GIP: variants seen among roughly 807,000 people sequenced by gnomAD.
GIP encodes the protein glucose-dependent insulinotropic polypeptide.
In GIP, 16 loss-of-function variants were observed where a neutral mutation model predicts 18.1. The observed-to-expected ratio is 0.88, with a 90% CI of 0.60 to 1.34. The LOEUF (loss-of-function observed/expected upper bound fraction) is 1.34. Ranked by LOEUF, GIP falls within the 40% of genes most tolerant of loss-of-function variation. The pLI is 0.00. For synonymous variants in GIP, 76 were observed against 74.0 expected (o/e 1.03, Z -0.14); for missense variants, 192 against 183.4 (o/e 1.05, Z -0.27).
intron 1 of GIP, among the ~76,000 whole-genome samples, chr17:48,967,579 C>T (rs1039480685): frequency 2.0e-5 from 3 of 150,562 alleles, no homozygotes; most frequent in Non-Finnish European, 3.0e-5. Context: ...AGGCTGGTCT[C>T]GAACTCCTGA....
intron 1 of GIP, 64 bp from the exon 2 acceptor site, chr17:48,967,317 A>T: frequency 5.0e-6 from 5 of 1,009,748 alleles, no homozygotes; most frequent in African/African-American, 1.6e-5. Context: ...AAAGCTGGAG[A>T]GGGGCAAAGC....
chr17:48,960,937 A>G lies in GIP; in HGVS notation c.401T>C (p.Ile134Thr), dbSNP rs373840514. ...SDEDLLRDLL[I>T]QELLACLLDQ... ...CAGCAAGCAGGCCAACAGCTCTTGA[A>G]TCAGCAAGTCCCGCAGCAAATCTTC... The change falls in exon 5 of 6, where the codon ATT becomes ACT. Residue 134 changes from isoleucine (I) to threonine (T), a missense_variant. Ile to Thr is a moderately conservative substitution (Grantham distance 89). Coordinates refer to ENST00000357424, the MANE Select transcript of GIP (RefSeq NM_004123.3). 72 of 1,609,706 alleles carry G rather than the reference A, an allele frequency of 4.5e-5. No homozygotes were observed. Among genetic ancestry groups the G allele is most frequent in the Non-Finnish European group, 5.9e-5 (70 of 1,178,398 alleles).
intron 1 of GIP, 57 bp from the exon 2 acceptor site, chr17:48,967,310 G>T: frequency 2.6e-6 from 3 of 1,150,656 alleles, no homozygotes; most frequent in Non-Finnish European, 3.9e-6. Flanking sequence ...GGTTCTGAAA[G>T]CTGGAGAGGG....
At chr17:48,960,765 GA>G in intron 5 of GIP, 120 bp downstream of exon 5, 1 of 695,550 alleles carries the variant, frequency 1.4e-6, no homozygotes, top group Non-Finnish European at 2.6e-6. Flanking sequence ...TGATTTTAGT[GA>G]AAACACTGAG....
intron 1 of GIP, among the ~76,000 whole-genome samples, chr17:48,967,485 G>A (rs1169196178): frequency 2.0e-5 from 3 of 150,752 alleles, no homozygotes; most frequent in African/African-American, 7.3e-5. Context: ...TCAGCCTCTC[G>A]AGTAGCCTGG....
rs761343704 is a variant in GIP at position 48,964,415 on chromosome 17, C to G, written c.152G>C (p.Arg51Thr). Residue 51 changes from arginine (R) to threonine (T), a missense_variant, in exon 3 of 6, where the codon AGG becomes ACG. Arg to Thr is a moderately conservative substitution (Grantham distance 71). Coordinates refer to ENST00000357424, the MANE Select transcript of GIP (RefSeq NM_004123.3). ...ACTGATGAAAGTCCCTTCCGCGTAC[C>G]TGGGGCCTCGAGGTTGAGGGCTGCT... ...KVSSPQPRGP[R>T]YAEGTFISDY... The G allele has an allele frequency of 1.2e-5, 19 of 1,614,010 alleles. No individual in the cohort carries two copies. Among genetic ancestry groups the G allele is most frequent in the Non-Finnish European group, 1.6e-5 (19 of 1,179,934 alleles).
chr17:48,958,656 C>T lies in GIP; in HGVS notation c.*51G>A, dbSNP rs1427122031. 4.7e-6 allele frequency: 7 copies of T among 1,492,018 alleles called. No homozygotes were observed. The highest frequency in any genetic ancestry group is 6.4e-6 in the Non-Finnish European group (7 of 1,087,748). The allele number at this position is 1,492,018 out of a possible 1,614,324, so 92.4% of individuals were successfully genotyped here. A position where few individuals can be genotyped will look rare whatever the true frequency, so the allele number is the denominator to read the frequency against. On this transcript the variant is annotated 3_prime_UTR_variant, in exon 6 of 6. Transcript: ENST00000357424. ...TGGCTATTCTGGAGTGGGGCTGAGG[C>T]AGGTGCTAAGTGAAGGGCAGAATCC...
At chr17:48,968,021 C>T (rs562815455) in intron 1 of GIP, among the ~76,000 whole-genome samples, 56 of 152,090 alleles carry the variant, frequency 3.7e-4, no homozygotes, top group African/African-American at 1.3e-3. Flanking sequence ...CAGTGCACTC[C>T]AGCCTGGGTG....
At position 48,960,924 on chromosome 17, in the gene GIP, C is replaced by T. The variant is rs1437290417; in HGVS notation, c.414G>A (p.Leu138=). 2 of 1,608,388 alleles carry T rather than the reference C, an allele frequency of 1.2e-6. No homozygotes were observed. Among genetic ancestry groups the T allele is most frequent in the Admixed American group, 3.4e-5 (2 of 59,200 alleles). ...GGTTTGTCTGATCCAGCAAGCAGGCCAACAGCTCTTGAATCAGCAAGTCCC... is the reference window on the plus strand; with the variant it reads ...GGTTTGTCTGATCCAGCAAGCAGGCTAACAGCTCTTGAATCAGCAAGTCCC... ...LLRDLLIQEL[L]ACLLDQTNLC... is the part of the protein sequence containing the mutation. Residue 138 remains leucine, a synonymous_variant, in exon 5 of 6, where the codon TTG becomes TTA. Coordinates refer to ENST00000357424, the MANE Select transcript of GIP (RefSeq NM_004123.3).
chr17:48,963,690 C>T (rs2041213368), intron 3 of GIP, among the ~76,000 whole-genome samples: 1 of 150,876 alleles, frequency 6.6e-6, no homozygotes, highest in African/African-American at 2.4e-5. Flanking sequence ...CAAAATTAGC[C>T]AGGCGTGGTG....
chr17:48,962,308 T>C (rs1208934882), intron 3 of GIP, among the ~76,000 whole-genome samples: 3 of 152,154 alleles, frequency 2.0e-5, no homozygotes, highest in East Asian at 3.9e-4. Context: ...ACAATCCACC[T>C]ACCTGGGCCT....
chr17:48,967,157 C>G lies in GIP; in HGVS notation c.76G>C (p.Gly26Arg), dbSNP rs770612494. Reference sequence around the variant, plus strand: ...TCTCACCACTCCTACCTGAAGTGACCCTCTTTCTTCTCTCCTAGTCCCACT... The same window carrying G: ...TCTCACCACTCCTACCTGAAGTGACGCTCTTTCTTCTCTCCTAGTCCCACT... Reference protein sequence around the residue: ...LAVGLGEKKEGHFSALPSLPV... With the variant: ...LAVGLGEKKERHFSALPSLPV... The change falls in exon 2 of 6, where the codon GGT (glycine) becomes CGT (arginine). Residue 26 changes from glycine to arginine, a missense_variant. Physicochemically the swap from Gly to Arg is moderately radical, Grantham distance 125. Coordinates refer to ENST00000357424, the MANE Select transcript of GIP (RefSeq NM_004123.3). The G allele has an allele frequency of 1.2e-6, 2 of 1,612,182 alleles. No homozygotes were observed. The highest frequency in any genetic ancestry group is 1.7e-6 in the Non-Finnish European group (2 of 1,178,344).
chr17:48,964,441 C>T lies in GIP; in HGVS notation c.126G>A (p.Val42=), dbSNP rs764332888. 7 of 1,613,948 alleles carry T rather than the reference C, an allele frequency of 4.3e-6. No homozygotes were observed. Among genetic ancestry groups the T allele is most frequent in the Non-Finnish European group, 5.9e-6 (7 of 1,180,000 alleles). Residue 42 remains valine (V), a synonymous_variant, in exon 3 of 6, where the codon GTG becomes GTA. Coordinates refer to ENST00000357424, the MANE Select transcript of GIP (RefSeq NM_004123.3). ...TGGGGCCTCGAGGTTGAGGGCTGCT[C>T]ACCTTAGCATGAGATCCAACAGGCA... The part of the protein sequence containing the change: ...PSLPVGSHAK[V]SSPQPRGPRY...
chr17:48,958,673 G>T lies in GIP; in HGVS notation c.*34C>A. On this transcript the variant is annotated 3_prime_UTR_variant, in exon 6 of 6. Coordinates refer to ENST00000357424, the MANE Select transcript of GIP (RefSeq NM_004123.3). ...GGCTGAGGCAGGTGCTAAGTGAAGG[G>T]CAGAATCCAGTCCTGAGCTGGGTGT... is the stretch of plus-strand genomic sequence containing the variant. The T allele has an allele frequency of 6.4e-7, 1 of 1,559,384 alleles. No individual in the cohort carries two copies. Among genetic ancestry groups the T allele is most frequent in the South Asian group, 1.2e-5 (1 of 85,148 alleles).
intron 1 of GIP, among the ~76,000 whole-genome samples, chr17:48,967,503 G>T (rs945823593): frequency 6.6e-6 from 1 of 151,770 alleles, no homozygotes; most frequent in Non-Finnish European, 1.5e-5. Flanking sequence ...TGGACTACAG[G>T]CATGTGCCAC....
chr17:48,966,310 C>T (rs943322459), intron 2 of GIP, among the ~76,000 whole-genome samples: 2 of 150,248 alleles, frequency 1.3e-5, no homozygotes, highest in Middle Eastern at 3.2e-3. Context: ...AATCCCAGCG[C>T]TTTGGGAGGC....
chr17:48,964,087 G>T (rs2041218143), intron 3 of GIP, among the ~76,000 whole-genome samples: 1 of 149,088 alleles, frequency 6.7e-6, no homozygotes, highest in Non-Finnish European at 1.5e-5. Context: ...GTGAACCCGG[G>T]AGGCGGAGCT....
At chr17:48,968,103 CT>C (rs941489985) in intron 1 of GIP, among the ~76,000 whole-genome samples, 1 of 151,644 alleles carries the variant, frequency 6.6e-6, no homozygotes, top group Non-Finnish European at 1.5e-5. Context: ...TTCTCTTTCT[CT>C]TTTTTTGAGA....
chr17:48,967,359 CTTTTT>C (rs369779985), intron 1 of GIP, 106 bp from the exon 2 acceptor site: 168,268 of 501,016 alleles, frequency 0.34, 14,681 homozygotes, highest in Admixed American at 0.41. Flanking sequence ...TTTCCTTTTT[CTTTTT>C]TTTTTTTTTT....
Sources: gnomAD v4.1 joint callset for allele counts (sites outside exome capture counted in the v4.1 genomes callset) on GRCh38, gnomAD v4.1.1 for gene constraint, MANE v1.5 for transcripts, NCBI Gene and HGNC (gene_info 2026-07-23, HGNC 2026-07-21) for gene names.